The following DOCK5 variants were observed in gnomAD, a reference collection of about 807,000 sequenced individuals.
The protein encoded by DOCK5 is dedicator of cytokinesis protein 5.
Under a neutral mutation model 251.8 loss-of-function variants are expected in DOCK5, and 142 were observed. That is an observed-to-expected ratio of 0.56 (90% CI 0.49 to 0.65). DOCK5 has a LOEUF of 0.65. Ranked by LOEUF, DOCK5 falls within the 30% of genes least tolerant of loss-of-function variation. DOCK5 has a pLI of 0.00. For synonymous variants in DOCK5, 842 were observed against 835.5 expected, an observed-to-expected ratio of 1.01 and a Z score of -0.13; for missense variants, 2,111 against 2,312.3, an observed-to-expected ratio of 0.91 and a Z score of 1.79.
At chr8:25,258,320 C>G (rs1803474448) in intron 2 of DOCK5, among the ~76,000 whole-genome samples, 1 of 152,070 alleles carries the variant, frequency 6.6e-6, no homozygotes, top group East Asian at 1.9e-4. Flanking sequence ...CCAGAATAAA[C>G]CTTCTTGGCA....
At chr8:25,199,682 C>G (rs1801833263) in intron 1 of DOCK5, among the ~76,000 whole-genome samples, 1 of 152,212 alleles carries the variant, frequency 6.6e-6, no homozygotes, top group South Asian at 2.1e-4. Flanking sequence ...CACGCCCAAC[C>G]AACTTCTGCT....
Position 25,411,366 on chromosome 8 carries a change from G to T in DOCK5, c.*68G>T. The T allele has an allele frequency of 1.5e-6, 2 of 1,364,904 alleles. No individual in the cohort carries two copies. Among genetic ancestry groups the T allele is most frequent in the Non-Finnish European group, 1.9e-6 (2 of 1,054,612 alleles). 84.5% of individuals were successfully genotyped at this position (1,364,904 alleles called of 1,614,324 possible). On this transcript the variant is annotated 3_prime_UTR_variant, in exon 52 of 52. Transcript: ENST00000276440. Reference sequence around the variant, plus strand: ...CTGCCTGAGAACTGGCCTCCAGCCGGTGTCCTCATTCCATGGGGCTCCCTG... The same window carrying T: ...CTGCCTGAGAACTGGCCTCCAGCCGTTGTCCTCATTCCATGGGGCTCCCTG...
In DOCK5 at chr8:25,391,201, GTGTGTGTGTGTGTGT is replaced by G. The variant is rs1801253675; in HGVS notation, c.4356-694_4356-680del. Among the ~76,000 whole-genome samples the G allele has an allele frequency of 1.6e-3, 218 of 139,718 alleles. 4 individuals are homozygous for G. The highest frequency in any genetic ancestry group is 4.0e-3 in the African/African-American group (138 of 34,230). 91.7% of individuals were successfully genotyped at this position (139,718 alleles called of 152,430 possible). On this transcript the variant is annotated intron_variant, in intron 42 of 51. Transcript: ENST00000276440. ...CTGGGACATACACCACCACACCTGTGTGTGTGTGTGTGTGTGTGTGTGTGTGTGTGTGTGTGTGTG... is the reference window on the plus strand; with the variant it reads ...CTGGGACATACACCACCACACCTGTGGTGTGTGTGTGTGTGTGTGTGTGTG...
At chr8:25,373,798 CT>C (rs1297330387) in intron 36 of DOCK5, 140 bp downstream of exon 36, 3 of 751,620 alleles carry the variant, frequency 4.0e-6, no homozygotes, top group Non-Finnish European at 6.4e-6. Flanking sequence ...TCCATTCACC[CT>C]GAACCGACAA....
At chr8:25,409,935 T>G in intron 50 of DOCK5, 164 bp from the exon 51 acceptor site, 1 of 594,554 alleles carries the variant, frequency 1.7e-6, no homozygotes, top group Non-Finnish European at 3.0e-6. Context: ...ACCTGTGTGA[T>G]GTGGGGTAAG....
At chr8:25,400,101 T>C in intron 46 of DOCK5, 107 bp downstream of exon 46, 1 of 865,498 alleles carries the variant, frequency 1.2e-6, no homozygotes, top group Non-Finnish European at 1.8e-6. Flanking sequence ...TTTTCTTTCT[T>C]TTTTTAACCC....
chr8:25,408,185 C>G (rs769468744), intron 49 of DOCK5, 31 bp downstream of exon 49: 11 of 1,544,082 alleles, frequency 7.1e-6, no homozygotes, highest in Non-Finnish European at 9.6e-6. Context: ...AAAGAAATCT[C>G]TGGAGGCTTG....
chr8:25,334,595 T>C (rs1292785177), intron 21 of DOCK5, among the ~76,000 whole-genome samples: 1 of 151,806 alleles, frequency 6.6e-6, no homozygotes, highest in Non-Finnish European at 1.5e-5. Flanking sequence ...CCTGTAGTCC[T>C]AGCTACTCGA....
At chr8:25,249,870 G>A (rs2117559142) in intron 2 of DOCK5, among the ~76,000 whole-genome samples, 1 of 152,330 alleles carries the variant, frequency 6.6e-6, no homozygotes, top group African/African-American at 2.4e-5. Flanking sequence ...CCAGTGTGTT[G>A]GGATTATAGG....
intron 1 of DOCK5, among the ~76,000 whole-genome samples, chr8:25,236,838 A>C (rs932680522): frequency 6.6e-5 from 10 of 151,880 alleles, no homozygotes; most frequent in Admixed American, 5.2e-4. Context: ...ACCTCAACTT[A>C]TCCACCTGCC....
At chr8:25,408,390 G>A (rs1801560625) in intron 49 of DOCK5, among the ~76,000 whole-genome samples, 1 of 152,080 alleles carries the variant, frequency 6.6e-6, no homozygotes, top group Non-Finnish European at 1.5e-5. Flanking sequence ...GTAAACATGT[G>A]GGTTGATGCT....
chr8:25,376,192 A>T (rs1800960591), intron 37 of DOCK5: 1 of 985,242 alleles, frequency 1.0e-6, no homozygotes, highest in African/African-American at 1.7e-5. Context: ...GATCAGAAAG[A>T]AATCCCCAGT....
intron 25 of DOCK5, 38 bp downstream of exon 25, chr8:25,342,545 T>C (rs1298463709): frequency 2.0e-6 from 3 of 1,476,644 alleles, no homozygotes; most frequent in Non-Finnish European, 2.8e-6. Flanking sequence ...GAGGTTGCAG[T>C]GAGCTGAGAT....
At chr8:25,327,615 C>T (rs935390799) in intron 18 of DOCK5, among the ~76,000 whole-genome samples, 1 of 152,134 alleles carries the variant, frequency 6.6e-6, no homozygotes, top group Non-Finnish European at 1.5e-5. Flanking sequence ...GTAGACCCTT[C>T]GTTTGCTGAT....
rs1414412892 is a variant in DOCK5, at chr8:25,246,704, T to TCGTG, written c.127+2947_127+2948insCGTG. Among the ~76,000 whole-genome samples, 105 of 89,608 alleles carry TCGTG rather than the reference T, an allele frequency of 1.2e-3. 2 individuals carry two copies. The highest frequency in any genetic ancestry group is 4.1e-3 in the African/African-American group (103 of 25,264). The allele number at this position is 89,608 out of a possible 152,430, so 58.8% of individuals were successfully genotyped here. ...GGTAATTCTTCACTGCCATGTTAGT[T>TCGTG]TGTGTGTGTGTGTGTGTGTGTGTGT... On this transcript the variant is annotated intron_variant, in intron 2 of 51. Transcript: ENST00000276440.
intron 39 of DOCK5, 56 bp from the exon 40 acceptor site, chr8:25,382,618 T>TG: frequency 5.0e-6 from 7 of 1,386,856 alleles, no homozygotes; most frequent in Non-Finnish European, 6.9e-6. Flanking sequence ...GACTTTTTTT[T>TG]TCCCCCAACT....
chr8:25,215,269 T>G (rs1274110032), intron 1 of DOCK5, among the ~76,000 whole-genome samples: 2 of 152,050 alleles, frequency 1.3e-5, no homozygotes, highest in Admixed American at 6.5e-5. Flanking sequence ...AGGGTGACAC[T>G]GCCATCAACA....
chr8:25,350,038 G>A (rs1439359133), intron 26 of DOCK5, among the ~76,000 whole-genome samples: 1 of 152,170 alleles, frequency 6.6e-6, no homozygotes, highest in Non-Finnish European at 1.5e-5. Flanking sequence ...GCAGGATGGG[G>A]AGATGTTGAT....
intron 1 of DOCK5, among the ~76,000 whole-genome samples, chr8:25,218,841 AGGCT>A (rs993629612): frequency 2.2e-4 from 34 of 152,302 alleles, no homozygotes; most frequent in African/African-American, 7.9e-4. Flanking sequence ...AGGACCTTGA[AGGCT>A]GGGTAACAGA....
Sources: allele counts gnomAD v4.1 joint callset (sites outside exome capture counted in the v4.1 genomes callset), GRCh38; gene constraint gnomAD v4.1.1; transcripts MANE v1.5; gene names NCBI Gene and HGNC (gene_info 2026-07-23, HGNC 2026-07-21).